Variants in CHD9 observed in about 807,000 individuals in gnomAD.
CHD9 encodes chromodomain helicase DNA binding protein 9, also known as ATP-dependent chromatin remodeler CHD9.
A neutral mutation model predicts 316.1 loss-of-function variants in CHD9; 77 were observed. The ratio of observed to expected loss-of-function variants is 0.24; its 90% confidence interval spans 0.20 to 0.29. The LOEUF is 0.29. Among genes scored for constraint, CHD9 ranks in the 10% least tolerant of loss-of-function variants. The probability of loss-of-function intolerance (pLI) is 1.00; values close to 1 mark genes in which losing one functional copy is unlikely to be tolerated. For synonymous variants in CHD9, 1,129 were observed against 1,158.3 expected (o/e 0.97, Z 0.51); for missense variants, 2,763 against 3,438.1 (o/e 0.80, Z 4.91).
At chr16:53,131,311 A>AGCC (rs541900602) in intron 1 of CHD9, 1,524 of 124,410 alleles carry the variant, frequency 0.012, 26 homozygotes, top group African/African-American at 0.041. Flanking sequence ...GAGTACGTGC[A>AGCC]GCCGCCGCCG....
intron 26 of CHD9, among the ~76,000 whole-genome samples, chr16:53,287,675 TGA>T (rs2053998086): frequency 6.6e-6 from 1 of 152,102 alleles, no homozygotes; most frequent in Non-Finnish European, 1.5e-5. Context: ...TGCAGTGAGC[TGA>T]GATTGTGCCA....
chr16:53,060,812 T>A (rs568008662), intron 1 of CHD9, among the ~76,000 whole-genome samples: 1 of 152,142 alleles, frequency 6.6e-6, no homozygotes, highest in East Asian at 1.9e-4. Flanking sequence ...CCCCAGCTAC[T>A]TGGGAAGCTG....
chr16:53,176,346 C>T (rs1475284401), intron 2 of CHD9, among the ~76,000 whole-genome samples: 1 of 152,174 alleles, frequency 6.6e-6, no homozygotes, highest in African/African-American at 2.4e-5. Context: ...CCGTCTTCCA[C>T]TTATAAGGAC....
intron 2 of CHD9, among the ~76,000 whole-genome samples, chr16:53,187,521 T>C (rs1257036981): frequency 6.6e-6 from 1 of 151,708 alleles, no homozygotes; most frequent in South Asian, 2.1e-4. Flanking sequence ...GAAAAAAAAG[T>C]GTAGAGTGAG....
chr16:53,254,163 C>A (rs2050367058), intron 17 of CHD9, among the ~76,000 whole-genome samples: 1 of 152,030 alleles, frequency 6.6e-6, no homozygotes, highest in Non-Finnish European at 1.5e-5. Flanking sequence ...GGTGACAGAG[C>A]AAGACTCCAT....
intron 1 of CHD9, among the ~76,000 whole-genome samples, chr16:53,058,824 T>TTTTTG (rs944239274): frequency 2.6e-5 from 4 of 152,058 alleles, no homozygotes; most frequent in African/African-American, 9.7e-5. Flanking sequence ...ACATTTGGGT[T>TTTTTG]TTTTGTTTTG....
At chr16:53,232,296 G>A (rs868520322) in intron 10 of CHD9, among the ~76,000 whole-genome samples, 12 of 152,222 alleles carry the variant, frequency 7.9e-5, no homozygotes, top group Middle Eastern at 6.8e-3. Context: ...TTGGGGTGGG[G>A]TCTATGCCTT....
intron 38 of CHD9, among the ~76,000 whole-genome samples, chr16:53,323,723 AT>A (rs1178223762): frequency 6.6e-6 from 1 of 152,060 alleles, no homozygotes; most frequent in Non-Finnish European, 1.5e-5. Flanking sequence ...CCATGAAAAA[AT>A]TTTTTTGGAC....
rs2057022192 is a variant in CHD9 at position 53,318,198 on chromosome 16, T to C, written c.7585-14T>C. On this transcript the variant is annotated splice_polypyrimidine_tract_variant and intron_variant, in intron 36 of 38. Coordinates refer to ENST00000447540, the MANE Select transcript of CHD9 (RefSeq NM_001308319.2). ...TAAAGACTTTAAAGATATGTCTTTA[T>C]CTATATATTTTAGAGAATGCAGCTT... is the stretch of plus-strand genomic sequence containing the variant. 26 of 1,597,698 alleles carry C rather than the reference T, an allele frequency of 1.6e-5. No individual in the cohort carries two copies. Among genetic ancestry groups the C allele is most frequent in the Non-Finnish European group, 2.2e-5 (26 of 1,172,940 alleles).
intron 2 of CHD9, among the ~76,000 whole-genome samples, chr16:53,189,890 G>A (rs1224178492): frequency 6.6e-6 from 1 of 152,118 alleles, no homozygotes; most frequent in Non-Finnish European, 1.5e-5. Context: ...GACAGTATAT[G>A]TGACCTGTAA....
intron 2 of CHD9, among the ~76,000 whole-genome samples, chr16:53,192,508 C>CA (rs752335702): frequency 8.5e-5 from 13 of 152,164 alleles, no homozygotes; most frequent in Non-Finnish European, 1.6e-4. Flanking sequence ...AAATAATTTA[C>CA]ATCCAGTAAT....
intron 1 of CHD9, among the ~76,000 whole-genome samples, chr16:53,065,638 T>TAAAAAAAAA (rs68025976): frequency 1.9e-5 from 2 of 103,394 alleles, no homozygotes; most frequent in African/African-American, 3.9e-5. Flanking sequence ...TGTCTTAAAT[T>TAAAAAAAAA]AAAAAAAAAA....
intron 1 of CHD9, among the ~76,000 whole-genome samples, chr16:53,105,015 C>CA (rs1184205856): frequency 6.6e-6 from 1 of 151,086 alleles, no homozygotes; most frequent in Admixed American, 6.6e-5. Flanking sequence ...AAAAAAAACA[C>CA]AAAAAACTGT....
At chr16:53,188,762 T>C (rs778048679) in intron 2 of CHD9, among the ~76,000 whole-genome samples, 9 of 151,836 alleles carry the variant, frequency 5.9e-5, no homozygotes, top group Non-Finnish European at 1.2e-4. Context: ...GCCTGGCTAA[T>C]TTTTTGTATT....
intron 3 of CHD9, among the ~76,000 whole-genome samples, chr16:53,215,761 T>C (rs1452548180): frequency 6.6e-6 from 1 of 152,180 alleles, no homozygotes; most frequent in African/African-American, 2.4e-5. Flanking sequence ...ATTGATGCAG[T>C]GTAGAACACA....
At chr16:53,202,837 G>A (rs970307854) in intron 2 of CHD9, among the ~76,000 whole-genome samples, 1 of 152,012 alleles carries the variant, frequency 6.6e-6, no homozygotes, top group Non-Finnish European at 1.5e-5. Flanking sequence ...GTCACAAGAC[G>A]AAAATAAACC....
chr16:53,060,883 C>T (rs903179624), intron 1 of CHD9, among the ~76,000 whole-genome samples: 6 of 150,994 alleles, frequency 4.0e-5, no homozygotes, highest in African/African-American at 7.3e-5. Flanking sequence ...ATTGCACCAC[C>T]GCACTCCAGC....
At chr16:53,165,172 A>G (rs1461250835) in intron 2 of CHD9, among the ~76,000 whole-genome samples, 1 of 152,354 alleles carries the variant, frequency 6.6e-6, no homozygotes, top group Admixed American at 6.5e-5. Context: ...TAGCTTAGAT[A>G]TGTCACAGAA....
chr16:53,227,758 G>C, intron 7 of CHD9, 155 bp downstream of exon 7: 1 of 212,778 alleles, frequency 4.7e-6, no homozygotes, highest in Middle Eastern at 1.7e-3. Flanking sequence ...TTAAAAAGTG[G>C]AAAAGGGCCC....
Sources: allele counts gnomAD v4.1 joint callset (sites outside exome capture counted in the v4.1 genomes callset), GRCh38; gene constraint gnomAD v4.1.1; transcripts MANE v1.5; gene names NCBI Gene and HGNC (gene_info 2026-07-23, HGNC 2026-07-21).